The following TRAPPC9 variants were observed in gnomAD, a reference collection of about 807,000 sequenced individuals.
The protein encoded by TRAPPC9 is trafficking protein particle complex subunit 9, also known as IKK2 binding protein.
TRAPPC9 carries 83 observed loss-of-function variants against 124.0 expected under a neutral mutation model. That is an observed-to-expected ratio of 0.67 (90% CI 0.56 to 0.80). The LOEUF is 0.80. TRAPPC9 is among the 30% of genes least tolerant of loss of function. The pLI is 0.00. For missense variants in TRAPPC9, 1,302 were observed against 1,508.3 expected (o/e 0.86, Z 2.27); for synonymous variants, 638 against 617.5 (o/e 1.03, Z -0.49).
intron 21 of TRAPPC9, among the ~76,000 whole-genome samples, chr8:139,836,754 T>C (rs1826384199): frequency 6.6e-6 from 1 of 152,240 alleles, no homozygotes; most frequent in Non-Finnish European, 1.5e-5. Flanking sequence ...GAAGAAACAG[T>C]GCTCTTTCAG....
chr8:140,179,978 T>C (rs2062158848), intron 17 of TRAPPC9, among the ~76,000 whole-genome samples: 1 of 148,800 alleles, frequency 6.7e-6, no homozygotes, highest in Non-Finnish European at 1.5e-5. Flanking sequence ...ATAAACAATT[T>C]ATAGTTATAT....
Position 139,825,720 on chromosome 8 carries a change from T to C in TRAPPC9, c.3055+60159A>G, listed in dbSNP as rs925836314. ...CAGTGATCAGACGCCCCGTGGAGGA[T>C]ACCGCCGAGCAGCCAGCTTGCCCGG... is the stretch of plus-strand genomic sequence containing the variant. On this transcript the variant is annotated intron_variant, in intron 21 of 22. Coordinates refer to ENST00000438773, the MANE Select transcript of TRAPPC9 (RefSeq NM_001160372.4). This position sits in a 1 kb window ranked among gnomAD's most constrained non-coding sequence, Gnocchi z 4.6. Among the ~76,000 whole-genome samples the C allele has an allele frequency of 6.2e-4, 94 of 151,950 alleles. No individual in the cohort carries two copies. The highest frequency in any genetic ancestry group is 2.1e-3 in the African/African-American group (86 of 41,428).
chr8:140,338,194 T>C (rs2067095019), intron 9 of TRAPPC9, among the ~76,000 whole-genome samples: 1 of 152,196 alleles, frequency 6.6e-6, no homozygotes, highest in African/African-American at 2.4e-5. Flanking sequence ...CCAGCAAGAC[T>C]GGGTGGCTGC....
chr8:140,112,390 G>T (rs560597525), intron 17 of TRAPPC9, among the ~76,000 whole-genome samples: 1 of 150,820 alleles, frequency 6.6e-6, no homozygotes, highest in African/African-American at 2.5e-5. Flanking sequence ...TGGTGGGACA[G>T]GTGTGAGGAG....
chr8:140,244,931 C>A (rs756744757), intron 16 of TRAPPC9, among the ~76,000 whole-genome samples: 1 of 150,798 alleles, frequency 6.6e-6, no homozygotes, highest in Non-Finnish European at 1.5e-5. Flanking sequence ...CTCAGCCTCC[C>A]GAGTACCTGG....
chr8:140,050,652 G>A lies in TRAPPC9; in HGVS notation c.2557-26573C>T, dbSNP rs936145618. ...CTCATCCCCAGCACCTCCACCCGGG[G>A]CACAGGAAATGCTCATGAAATGTCT... On this transcript the variant is annotated intron_variant, in intron 17 of 22. Transcript: ENST00000438773. 3.9e-5 allele frequency among the ~76,000 whole-genome samples: 6 copies of A among 152,266 alleles called. No individual in the cohort carries two copies. The East Asian group carries it at 9.7e-4, about 25-fold the overall frequency.
chr8:139,986,258 C>CA lies in TRAPPC9; in HGVS notation c.2810+2467dup, dbSNP rs573994835. On this transcript the variant is annotated intron_variant, in intron 19 of 22. Transcript: ENST00000438773. Reference sequence around the variant, plus strand: ...ATTCTGTATCAAAAAAACAAAAAACCAAAAAACAAAAAAACTGTCAAAATA... The same window carrying CA: ...ATTCTGTATCAAAAAAACAAAAAACCAAAAAAACAAAAAAACTGTCAAAATA... Among the ~76,000 whole-genome samples the CA allele has an allele frequency of 1.0e-3, 154 of 151,732 alleles. 4 individuals carry two copies. The East Asian group carries it at 0.024, about 24-fold the overall frequency.
At chr8:140,271,252 G>A (rs2064869475) in intron 15 of TRAPPC9, among the ~76,000 whole-genome samples, 1 of 152,106 alleles carries the variant, frequency 6.6e-6, no homozygotes, top group Admixed American at 6.6e-5. Context: ...AAAGGAGGGT[G>A]GGTAGGAAAG....
At chr8:139,902,277 A>C (rs1484011689) in intron 20 of TRAPPC9, among the ~76,000 whole-genome samples, 1 of 152,234 alleles carries the variant, frequency 6.6e-6, no homozygotes. Flanking sequence ...CAAGGTGGGC[A>C]TGGCCACCAG....
In TRAPPC9 at chr8:140,182,214, A is replaced by C. The variant is rs1284428634; in HGVS notation, c.2556+39245T>G. 6.6e-6 allele frequency among the ~76,000 whole-genome samples: 1 copy of C among 152,094 alleles called. No homozygotes were observed. Among genetic ancestry groups the C allele is most frequent in the Non-Finnish European group, 1.5e-5 (1 of 68,022 alleles). On this transcript the variant is annotated intron_variant, in intron 17 of 22. Coordinates refer to ENST00000438773, the MANE Select transcript of TRAPPC9 (RefSeq NM_001160372.4). This position sits in a 1 kb window ranked among gnomAD's most constrained non-coding sequence, Gnocchi z 4.0. The stretch of plus-strand genomic sequence containing the variant: ...GGAAATCTTGCTTTCCAGTGCATAC[A>C]TTTATCCAAAAATTCTTTACATTAT...
At chr8:140,128,442 T>A (rs1276916524) in intron 17 of TRAPPC9, among the ~76,000 whole-genome samples, 1 of 152,206 alleles carries the variant, frequency 6.6e-6, no homozygotes, top group Non-Finnish European at 1.5e-5. Context: ...AAGCAGTGAC[T>A]AATGGTCTGA....
At chr8:140,118,757 G>A (rs534898347) in intron 17 of TRAPPC9, among the ~76,000 whole-genome samples, 4 of 152,340 alleles carry the variant, frequency 2.6e-5, no homozygotes, top group African/African-American at 9.6e-5. Context: ...AGAGGAGCCA[G>A]TGAGTAGAAA....
chr8:140,186,326 G>A (rs1455426140), intron 17 of TRAPPC9, among the ~76,000 whole-genome samples: 1 of 152,212 alleles, frequency 6.6e-6, no homozygotes, highest in African/African-American at 2.4e-5. Flanking sequence ...GCTTATGCCT[G>A]TAATCCCAGC....
intron 20 of TRAPPC9, among the ~76,000 whole-genome samples, chr8:139,906,162 G>C (rs1055383662): frequency 2.0e-5 from 3 of 152,196 alleles, no homozygotes; most frequent in African/African-American, 7.2e-5. Flanking sequence ...AGCTCATCCG[G>C]TCAGGCCCAG....
intron 19 of TRAPPC9, among the ~76,000 whole-genome samples, chr8:139,910,987 T>G (rs1256574982): frequency 6.6e-6 from 1 of 152,112 alleles, no homozygotes; most frequent in Admixed American, 6.5e-5. Context: ...TGGGAAGGCA[T>G]GATTGGTTTT....
intron 21 of TRAPPC9, among the ~76,000 whole-genome samples, chr8:139,777,907 G>A (rs929811348): frequency 6.6e-6 from 1 of 152,150 alleles, no homozygotes; most frequent in African/African-American, 2.4e-5. Context: ...AGCTGGAACT[G>A]AGAGTCTAGG....
chr8:139,923,458 C>T (rs1002933607), intron 19 of TRAPPC9, among the ~76,000 whole-genome samples: 1 of 152,238 alleles, frequency 6.6e-6, no homozygotes, highest in Non-Finnish European at 1.5e-5. Flanking sequence ...GTGTCCCCAC[C>T]CCGAACTCAC....
intron 5 of TRAPPC9, among the ~76,000 whole-genome samples, chr8:140,406,185 T>C (rs533713353): frequency 6.6e-6 from 1 of 152,204 alleles, no homozygotes; most frequent in African/African-American, 2.4e-5. Context: ...CTCCTATCAA[T>C]AAGCAGAAGC....
chr8:140,364,053 T>C (rs888294266), intron 8 of TRAPPC9, among the ~76,000 whole-genome samples: 1 of 152,044 alleles, frequency 6.6e-6, no homozygotes, highest in Admixed American at 6.5e-5. Flanking sequence ...TCCGAAGAAA[T>C]GGCATCCAGC....
Sources: gnomAD v4.1 joint callset for allele counts (sites outside exome capture counted in the v4.1 genomes callset) on GRCh38, gnomAD v4.1.1 for gene constraint, Gnocchi (gnomAD v3.1) non-coding constraint, MANE v1.5 for transcripts, NCBI Gene and HGNC (gene_info 2026-07-23, HGNC 2026-07-21) for gene names.